Variants in CACNA2D3 observed in about 807,000 individuals in gnomAD.
CACNA2D3 encodes voltage-dependent calcium channel subunit alpha-2/delta-3.
CACNA2D3 carries 60 observed loss-of-function variants against 160.6 expected under a neutral mutation model. That is an observed-to-expected ratio of 0.37 (90% CI 0.30 to 0.46). The LOEUF is 0.46. Among genes scored for constraint, CACNA2D3 ranks in the 20% least tolerant of loss-of-function variants. The pLI, the probability that CACNA2D3 is intolerant of heterozygous loss-of-function variation, is 1.00. For synonymous variants in CACNA2D3, 558 were observed against 492.9 expected, an observed-to-expected ratio of 1.13 and a Z score of -1.75; for missense variants, 1,205 against 1,365.0, an observed-to-expected ratio of 0.88 and a Z score of 1.85.
At chr3:54,456,497 AT>A (rs1444981293) in intron 4 of CACNA2D3, among the ~76,000 whole-genome samples, 4 of 151,936 alleles carry the variant, frequency 2.6e-5, no homozygotes, top group Non-Finnish European at 5.9e-5. Context: ...ATATAAGATC[AT>A]CTGCAAACAG....
intron 4 of CACNA2D3, among the ~76,000 whole-genome samples, chr3:54,481,945 C>G (rs1700939956): frequency 6.6e-6 from 1 of 152,216 alleles, no homozygotes; most frequent in African/African-American, 2.4e-5. Context: ...ATGACTTCTT[C>G]CTTTTGAACA....
chr3:54,923,942 G>T (rs1700933880), intron 27 of CACNA2D3, among the ~76,000 whole-genome samples: 1 of 152,206 alleles, frequency 6.6e-6, no homozygotes, highest in Non-Finnish European at 1.5e-5. Context: ...TAATGAATGG[G>T]CATGGCTGTG....
chr3:54,204,884 C>T (rs1701246950), intron 2 of CACNA2D3, among the ~76,000 whole-genome samples: 1 of 149,094 alleles, frequency 6.7e-6, no homozygotes, highest in Non-Finnish European at 1.5e-5. Flanking sequence ...AACTTACCAT[C>T]TCCTCAAAGA....
At chr3:54,892,147 T>A (rs1287608746) in intron 25 of CACNA2D3, among the ~76,000 whole-genome samples, 1 of 152,232 alleles carries the variant, frequency 6.6e-6, no homozygotes, top group Non-Finnish European at 1.5e-5. Flanking sequence ...AGTCTGTTAA[T>A]AAGTTTTTTC....
intron 9 of CACNA2D3, among the ~76,000 whole-genome samples, chr3:54,590,485 G>A (rs1436795346): frequency 2.0e-5 from 3 of 152,170 alleles, no homozygotes; most frequent in Non-Finnish European, 4.4e-5. Flanking sequence ...CCTTGTGGTG[G>A]TGGAACTGTT....
chr3:54,528,886 A>G (rs1287485659), intron 5 of CACNA2D3, among the ~76,000 whole-genome samples: 1 of 152,174 alleles, frequency 6.6e-6, no homozygotes, highest in Non-Finnish European at 1.5e-5. Flanking sequence ...ATATTAATGG[A>G]TATTAGTGTG....
intron 11 of CACNA2D3, among the ~76,000 whole-genome samples, chr3:54,643,496 C>T (rs623696): frequency 6.6e-6 from 1 of 152,008 alleles, no homozygotes; most frequent in Non-Finnish European, 1.5e-5. Context: ...CGGTGCTGAG[C>T]TGACTATGTG....
At chr3:54,167,975 T>C (rs1009072059) in intron 2 of CACNA2D3, among the ~76,000 whole-genome samples, 9 of 152,260 alleles carry the variant, frequency 5.9e-5, no homozygotes, top group Non-Finnish European at 8.8e-5. Flanking sequence ...TCATTTTTTT[T>C]CCATAGCTTC....
intron 31 of CACNA2D3, among the ~76,000 whole-genome samples, chr3:54,999,328 C>T (rs543371979): frequency 2.8e-4 from 43 of 152,270 alleles, no homozygotes; most frequent in Non-Finnish European, 5.3e-4. Flanking sequence ...CCCATGGCGA[C>T]GGTCTCTTTG....
At chr3:54,164,157 A>G (rs1479759877) in intron 2 of CACNA2D3, among the ~76,000 whole-genome samples, 1 of 152,134 alleles carries the variant, frequency 6.6e-6, no homozygotes, top group Non-Finnish European at 1.5e-5. Flanking sequence ...TCAGGGGAGG[A>G]GGACGGCTTT....
Position 54,390,725 on chromosome 3 carries a change from A to G in CACNA2D3, c.381+3951A>G, listed in dbSNP as rs577865162. ...TTGAAGCTACTGAAGCTTCTATGCT[A>G]TTAAGTGCAAGTATATTAACAGCTT... On this transcript the variant is annotated intron_variant, in intron 4 of 37. Transcript: ENST00000474759. Among the ~76,000 whole-genome samples the G allele has an allele frequency of 6.6e-5, 10 of 152,294 alleles. No homozygotes were observed. The South Asian group carries it at 1.9e-3, about 28-fold the overall frequency.
intron 9 of CACNA2D3, among the ~76,000 whole-genome samples, chr3:54,594,220 G>T (rs183311359): frequency 7.2e-4 from 109 of 152,250 alleles, no homozygotes; most frequent in African/African-American, 2.6e-3. Context: ...TCTAGGCTTC[G>T]TGGGCCATAC....
intron 17 of CACNA2D3, among the ~76,000 whole-genome samples, chr3:54,850,545 C>G (rs945653893): frequency 9.3e-5 from 14 of 151,342 alleles, no homozygotes; most frequent in African/African-American, 3.4e-4. Context: ...ATCTCCTTTT[C>G]TTTTGCCCAA....
chr3:55,009,675 T>A (rs1423798214), intron 34 of CACNA2D3, among the ~76,000 whole-genome samples: 2 of 152,222 alleles, frequency 1.3e-5, no homozygotes, highest in Non-Finnish European at 2.9e-5. Flanking sequence ...TTGACCTGTT[T>A]CCTTAACTAA....
At chr3:54,473,506 T>A (rs1468582427) in intron 4 of CACNA2D3, among the ~76,000 whole-genome samples, 2 of 152,170 alleles carry the variant, frequency 1.3e-5, no homozygotes, top group Non-Finnish European at 2.9e-5. Flanking sequence ...CCAGAAGCAA[T>A]GGCAACAAAA....
At chr3:54,843,829 G>A (rs1575507292) in intron 16 of CACNA2D3, among the ~76,000 whole-genome samples, 2 of 152,326 alleles carry the variant, frequency 1.3e-5, no homozygotes, top group South Asian at 4.1e-4. Flanking sequence ...TACTGATGCT[G>A]CAGTTTCTAA....
intron 2 of CACNA2D3, among the ~76,000 whole-genome samples, chr3:54,225,746 C>T (rs905253087): frequency 6.6e-6 from 1 of 151,478 alleles, no homozygotes; most frequent in African/African-American, 2.4e-5. Flanking sequence ...GACCTCAAAC[C>T]TGTATCACTG....
chr3:54,538,311 C>G (rs1351522826), intron 5 of CACNA2D3, among the ~76,000 whole-genome samples: 2 of 152,206 alleles, frequency 1.3e-5, no homozygotes, highest in Non-Finnish European at 2.9e-5. Context: ...TACCAGCCTG[C>G]TATGAATGCC....
chr3:55,004,656 T>C (rs1322801416), intron 31 of CACNA2D3, 107 bp from the exon 32 acceptor site: 1 of 719,120 alleles, frequency 1.4e-6, no homozygotes, highest in African/African-American at 1.8e-5. Flanking sequence ...ATGGTGTTTG[T>C]CACCGTTGCA....
Sources: allele counts gnomAD v4.1 joint callset (sites outside exome capture counted in the v4.1 genomes callset), GRCh38; gene constraint gnomAD v4.1.1; transcripts MANE v1.5; gene names NCBI Gene and HGNC (gene_info 2026-07-23, HGNC 2026-07-21).